C8orf34: variants seen among roughly 807,000 people sequenced by gnomAD.
C8orf34 encodes the protein uncharacterized protein C8orf34.
A neutral mutation model predicts 68.3 loss-of-function variants in C8orf34; 65 were observed. The observed-to-expected ratio is 0.95, with a 90% CI of 0.78 to 1.17. C8orf34 has a LOEUF of 1.17. C8orf34 is among the 50% of genes most tolerant of loss of function. The pLI is 0.00. For synonymous variants in C8orf34, 244 were observed against 241.2 expected, an observed-to-expected ratio of 1.01 and a Z score of -0.11; for missense variants, 664 against 655.4, an observed-to-expected ratio of 1.01 and a Z score of -0.14.
chr8:68,453,020 A>T (rs952118699), intron 3 of C8orf34, among the ~76,000 whole-genome samples: 7 of 151,932 alleles, frequency 4.6e-5, no homozygotes, highest in African/African-American at 1.7e-4. Context: ...TTTTGAAAAT[A>T]CTATTCTTTC....
intron 3 of C8orf34, among the ~76,000 whole-genome samples, chr8:68,465,549 C>A (rs1263266092): frequency 6.6e-6 from 1 of 152,058 alleles, no homozygotes; most frequent in Non-Finnish European, 1.5e-5. Flanking sequence ...TTGGAACCAA[C>A]CCAAATGTCC....
At chr8:68,553,111 C>T (rs913475385) in intron 7 of C8orf34, among the ~76,000 whole-genome samples, 1 of 151,984 alleles carries the variant, frequency 6.6e-6, no homozygotes, top group Admixed American at 6.6e-5. Context: ...TGGGGCCAGG[C>T]ATGGTGGCTC....
At chr8:68,751,551 T>A (rs1465260316) in intron 10 of C8orf34, among the ~76,000 whole-genome samples, 1 of 152,168 alleles carries the variant, frequency 6.6e-6, no homozygotes, top group East Asian at 1.9e-4. Flanking sequence ...AGAATCTCAA[T>A]AGTAAGTTAA....
chr8:68,353,863 A>G (rs814442), intron 1 of C8orf34, among the ~76,000 whole-genome samples: 31,758 of 151,658 alleles, frequency 0.21, 4,975 homozygotes, highest in African/African-American at 0.44. Flanking sequence ...AGCATACAGG[A>G]GGATGTGCAT....
intron 8 of C8orf34, among the ~76,000 whole-genome samples, chr8:68,688,070 T>C (rs1231467484): frequency 6.6e-6 from 1 of 151,960 alleles, no homozygotes; most frequent in East Asian, 1.9e-4. Flanking sequence ...ATTAAAGCTA[T>C]GATGGGACAC....
intron 1 of C8orf34, among the ~76,000 whole-genome samples, chr8:68,412,963 C>T (rs981428732): frequency 6.6e-6 from 1 of 152,194 alleles, no homozygotes; most frequent in Non-Finnish European, 1.5e-5. Context: ...ATAATAGCTT[C>T]CTTGCCCCTC....
chr8:68,387,280 G>A (rs1322802819), intron 1 of C8orf34, among the ~76,000 whole-genome samples: 1 of 152,040 alleles, frequency 6.6e-6, no homozygotes, highest in East Asian at 1.9e-4. Context: ...TGCCACTTTG[G>A]GAAGATACAT....
intron 2 of C8orf34, 78 bp downstream of exon 2, chr8:68,439,724 A>T: frequency 7.5e-7 from 1 of 1,335,434 alleles, no homozygotes; most frequent in Non-Finnish European, 1.0e-6. Flanking sequence ...GATACTAATA[A>T]GATAAATCTA....
rs75997152 is a variant in C8orf34 at position 68,412,632 on chromosome 8, C to T, written c.328-26867C>T. Among the ~76,000 whole-genome samples, 885 of 152,210 alleles carry T rather than the reference C, an allele frequency of 5.8e-3. 34 individuals carry two copies. In the East Asian group the frequency reaches 0.11, roughly 18 times the overall value. On this transcript the variant is annotated intron_variant, in intron 1 of 13. Coordinates refer to ENST00000518698, the MANE Select transcript of C8orf34 (RefSeq NM_052958.4). ...TTTTGCATACAGGTAGATGACCTTT[C>T]CAACATCCTGTCCTCTTTATTGAAC...
intron 11 of C8orf34, among the ~76,000 whole-genome samples, chr8:68,785,934 G>T (rs1159941928): frequency 6.6e-6 from 1 of 152,192 alleles, no homozygotes; most frequent in African/African-American, 2.4e-5. Context: ...GAAAGCCGTG[G>T]CAGATAGAAT....
chr8:68,754,514 A>G (rs1217732937), intron 10 of C8orf34, among the ~76,000 whole-genome samples: 1 of 152,246 alleles, frequency 6.6e-6, no homozygotes, highest in African/African-American at 2.4e-5. Flanking sequence ...CAAAGAAGAC[A>G]TTAAGTAAAC....
At chr8:68,572,539 T>C (rs1176390213) in intron 7 of C8orf34, among the ~76,000 whole-genome samples, 2 of 151,820 alleles carry the variant, frequency 1.3e-5, no homozygotes, top group Non-Finnish European at 2.9e-5. Context: ...AATACTCAAG[T>C]ATTTATAATC....
rs184259465 is a variant in C8orf34, at chr8:68,633,212, G to A, written c.1106-7164G>A. Among the ~76,000 whole-genome samples, 1,076 of 151,998 alleles carry A rather than the reference G, an allele frequency of 7.1e-3. 10 individuals are homozygous for A. The highest frequency in any genetic ancestry group is 8.4e-3 in the Non-Finnish European group (569 of 67,978). ...TGACAAATCCTAAAACTTATGTGAC[G>A]AACTAGATAGTAAAAGAATATAATC... On this transcript the variant is annotated intron_variant, in intron 7 of 13. Coordinates refer to ENST00000518698, the MANE Select transcript of C8orf34 (RefSeq NM_052958.4).
chr8:68,680,413 A>G (rs1820333451), intron 8 of C8orf34, among the ~76,000 whole-genome samples: 1 of 152,206 alleles, frequency 6.6e-6, no homozygotes, highest in Non-Finnish European at 1.5e-5. Context: ...ATAAAGAGAA[A>G]GAGTGCAAAG....
At position 68,624,179 on chromosome 8, in the gene C8orf34, G is replaced by A. The variant is rs541572395; in HGVS notation, c.1106-16197G>A. Reference sequence around the variant, plus strand: ...CCCAGCTAATTGGGAGGCTGAGGTAGGAGAATCACTTGAATCTGGGAGGCG... The same window carrying A: ...CCCAGCTAATTGGGAGGCTGAGGTAAGAGAATCACTTGAATCTGGGAGGCG... On this transcript the variant is annotated intron_variant, in intron 7 of 13. Transcript: ENST00000518698. 3.3e-5 allele frequency among the ~76,000 whole-genome samples: 5 copies of A among 151,814 alleles called. No individual in the cohort carries two copies. The East Asian group carries it at 9.8e-4, about 30-fold the overall frequency.
chr8:68,413,931 G>T (rs1294348276), intron 1 of C8orf34, among the ~76,000 whole-genome samples: 1 of 152,168 alleles, frequency 6.6e-6, no homozygotes, highest in African/African-American at 2.4e-5. Flanking sequence ...GCTCTGCAAG[G>T]TTAGACATCC....
At chr8:68,468,884 A>G in intron 4 of C8orf34, 64 bp downstream of exon 4, 2 of 1,533,332 alleles carry the variant, frequency 1.3e-6, no homozygotes, top group Non-Finnish European at 1.8e-6. Flanking sequence ...AGCATTCATT[A>G]CTTGTGCCAA....
At chr8:68,341,316 A>G (rs1806060293) in intron 1 of C8orf34, among the ~76,000 whole-genome samples, 1 of 152,194 alleles carries the variant, frequency 6.6e-6, no homozygotes, top group South Asian at 2.1e-4. Context: ...AGCTTTTTCA[A>G]TTATCAGTGC....
At chr8:68,423,088 G>A (rs1810053143) in intron 1 of C8orf34, among the ~76,000 whole-genome samples, 1 of 152,166 alleles carries the variant, frequency 6.6e-6, no homozygotes, top group Non-Finnish European at 1.5e-5. Context: ...TCTGACATGC[G>A]CAGAGATATT....
Sources: allele counts gnomAD v4.1 joint callset (sites outside exome capture counted in the v4.1 genomes callset), GRCh38; gene constraint gnomAD v4.1.1; transcripts MANE v1.5; gene names NCBI Gene and HGNC (gene_info 2026-07-23, HGNC 2026-07-21).